ATRNL1: variants seen among roughly 807,000 people sequenced by gnomAD.
ATRNL1 encodes attractin like 1, also known as attractin-like protein 1.
In ATRNL1, 95 loss-of-function variants were observed where a neutral mutation model predicts 182.7. That is an observed-to-expected ratio of 0.52 (90% CI 0.44 to 0.62). The LOEUF (loss-of-function observed/expected upper bound fraction) is 0.62, where lower values mean the gene tolerates loss of function less well. Among genes scored for constraint, ATRNL1 ranks in the 20% least tolerant of loss-of-function variants. ATRNL1 has a pLI of 0.00. For missense variants in ATRNL1, 1,471 were observed against 1,679.5 expected (o/e 0.88, Z 2.17); for synonymous variants, 576 against 568.3 (o/e 1.01, Z -0.19).
intron 3 of ATRNL1, among the ~76,000 whole-genome samples, chr10:115,122,344 T>C (rs965038710): frequency 2.6e-5 from 4 of 151,882 alleles, no homozygotes; most frequent in African/African-American, 9.6e-5. Flanking sequence ...AATTTTAAAA[T>C]TATAGCATTG....
intron 15 of ATRNL1, 48 bp from the exon 16 acceptor site, chr10:115,299,986 T>A (rs1447608135): frequency 1.8e-5 from 25 of 1,416,772 alleles, no homozygotes; most frequent in Non-Finnish European, 2.4e-5. Context: ...ATATGCCATA[T>A]TTTTACATCT....
intron 26 of ATRNL1, among the ~76,000 whole-genome samples, chr10:115,706,651 C>T (rs149300369): frequency 1.3e-5 from 2 of 151,904 alleles, no homozygotes; most frequent in South Asian, 4.2e-4. Flanking sequence ...TGCAGACATC[C>T]GACTTGTATC....
chr10:115,302,075 G>GGTCAAAGGTCC (rs782489863), intron 17 of ATRNL1, 32 bp downstream of exon 17: 1 of 1,519,692 alleles, frequency 6.6e-7, no homozygotes, highest in Non-Finnish European at 8.9e-7. Flanking sequence ...CTTTTCACTT[G>GGTCAAAGGTCC]ACAGCAACGT....
intron 26 of ATRNL1, among the ~76,000 whole-genome samples, chr10:115,615,556 C>A (rs531731821): frequency 1.3e-5 from 2 of 152,196 alleles, no homozygotes; most frequent in South Asian, 4.1e-4. Context: ...GTGTCCCCAT[C>A]CAAATCTAAT....
chr10:115,790,111 G>C (rs1949492780), intron 27 of ATRNL1, among the ~76,000 whole-genome samples: 1 of 151,550 alleles, frequency 6.6e-6, no homozygotes, highest in Admixed American at 6.6e-5. Context: ...TTGTACATTT[G>C]TGTATTTCAT....
rs563411831 is a variant in ATRNL1 at position 115,520,627 on chromosome 10, A to G, written c.3716+1303A>G. ...GAAGCTCACTAGCTCCTCAGATGGC[A>G]TTTTCTATCATCAGATAACAAATTG... On this transcript the variant is annotated intron_variant, in intron 25 of 28. Transcript: ENST00000355044. 5.9e-5 allele frequency among the ~76,000 whole-genome samples: 9 copies of G among 152,330 alleles called. No homozygotes were observed. The South Asian group carries it at 1.2e-3, about 21-fold the overall frequency.
chr10:115,298,491 C>T (rs1853314119), intron 15 of ATRNL1, among the ~76,000 whole-genome samples: 1 of 152,072 alleles, frequency 6.6e-6, no homozygotes, highest in South Asian at 2.1e-4. Flanking sequence ...CTTGTCTTGA[C>T]TATAGATAGT....
intron 23 of ATRNL1, among the ~76,000 whole-genome samples, chr10:115,468,215 T>C (rs1481525978): frequency 6.6e-6 from 1 of 150,782 alleles, no homozygotes; most frequent in Non-Finnish European, 1.5e-5. Flanking sequence ...TACTGTTAAT[T>C]TGATAGTTAT....
At chr10:115,676,833 G>A (rs1555043219) in intron 26 of ATRNL1, among the ~76,000 whole-genome samples, 1 of 151,976 alleles carries the variant, frequency 6.6e-6, no homozygotes, top group East Asian at 1.9e-4. Context: ...AGCATGTGCT[G>A]AATGGAGACA....
chr10:115,485,408 G>T (rs1008654354), intron 24 of ATRNL1, among the ~76,000 whole-genome samples: 2 of 151,780 alleles, frequency 1.3e-5, no homozygotes, highest in Non-Finnish European at 2.9e-5. Flanking sequence ...ATGTTTTGAG[G>T]TATATATACA....
intron 26 of ATRNL1, among the ~76,000 whole-genome samples, chr10:115,610,859 T>C (rs1417182222): frequency 6.6e-6 from 1 of 152,166 alleles, no homozygotes; most frequent in Non-Finnish European, 1.5e-5. Context: ...GTTATATACT[T>C]AAGGAACCTT....
intron 28 of ATRNL1, among the ~76,000 whole-genome samples, chr10:115,894,157 T>C (rs1446881233): frequency 6.6e-6 from 1 of 152,112 alleles, no homozygotes; most frequent in Non-Finnish European, 1.5e-5. Flanking sequence ...TAATATTAGA[T>C]CAAAGATGCA....
intron 24 of ATRNL1, among the ~76,000 whole-genome samples, chr10:115,491,845 T>G (rs1232870053): frequency 3.3e-5 from 5 of 152,076 alleles, no homozygotes; most frequent in Admixed American, 3.3e-4. Flanking sequence ...GGCTGCCCAG[T>G]TTTGTGCTTG....
chr10:115,234,121 G>T (rs1850075450), intron 9 of ATRNL1, among the ~76,000 whole-genome samples: 1 of 151,628 alleles, frequency 6.6e-6, no homozygotes, highest in African/African-American at 2.4e-5. Flanking sequence ...TTTTCTTCAG[G>T]GTGTAGAGTT....
intron 26 of ATRNL1, among the ~76,000 whole-genome samples, chr10:115,638,729 A>C (rs1555029179): frequency 2.0e-5 from 3 of 152,230 alleles, no homozygotes; most frequent in African/African-American, 7.2e-5. Flanking sequence ...AAAGAATCAA[A>C]TGAAGATTAT....
intron 26 of ATRNL1, among the ~76,000 whole-genome samples, chr10:115,610,862 G>A (rs1555018787): frequency 6.6e-6 from 1 of 152,100 alleles, no homozygotes; most frequent in African/African-American, 2.4e-5. Flanking sequence ...ATATACTTAA[G>A]GAACCTTCAA....
chr10:115,336,498 A>T (rs574426297), intron 19 of ATRNL1, among the ~76,000 whole-genome samples: 1 of 152,220 alleles, frequency 6.6e-6, no homozygotes, highest in Non-Finnish European at 1.5e-5. Context: ...CATGTGTCAG[A>T]TAGGTTATGT....
At chr10:115,691,654 A>G (rs782164610) in intron 26 of ATRNL1, among the ~76,000 whole-genome samples, 1 of 152,184 alleles carries the variant, frequency 6.6e-6, no homozygotes, top group Non-Finnish European at 1.5e-5. Context: ...CCCTGGAAGC[A>G]TAAGTTGCAG....
At chr10:115,883,255 A>G (rs1951869143) in intron 28 of ATRNL1, among the ~76,000 whole-genome samples, 1 of 152,156 alleles carries the variant, frequency 6.6e-6, no homozygotes, top group African/African-American at 2.4e-5. Context: ...TTCTTCCCCC[A>G]CTATCCTTCC....
Sources: gnomAD v4.1 joint callset for allele counts (sites outside exome capture counted in the v4.1 genomes callset) on GRCh38, gnomAD v4.1.1 for gene constraint, MANE v1.5 for transcripts, NCBI Gene and HGNC (gene_info 2026-07-23, HGNC 2026-07-21) for gene names.